Variants in ITIH5 observed in about 807,000 individuals in gnomAD.
ITIH5 encodes the protein inter-alpha-trypsin inhibitor heavy chain 5.
ITIH5 carries 65 observed loss-of-function variants against 77.5 expected under a neutral mutation model. That is an observed-to-expected ratio of 0.84 (90% CI 0.69 to 1.03). The LOEUF (loss-of-function observed/expected upper bound fraction) is 1.03. ITIH5 is among the 50% of genes least tolerant of loss of function. The probability of loss-of-function intolerance (pLI) is 0.00; values close to 1 mark genes in which losing one functional copy is unlikely to be tolerated. For synonymous variants in ITIH5, 525 were observed against 494.3 expected (o/e 1.06, Z -0.82); for missense variants, 1,208 against 1,213.1 (o/e 1.00, Z 0.06).
chr10:7,559,857 G>GTTT lies in ITIH5; in HGVS notation c.*3223_*3225dup, dbSNP rs746524069. 5.3e-5 allele frequency: 24 copies of GTTT among 452,680 alleles called. No individual in the cohort carries two copies. The highest frequency in any genetic ancestry group is 3.5e-4 in the African/African-American group (17 of 48,574). 28.0% of individuals were successfully genotyped at this position (452,680 alleles called of 1,614,324 possible). Reference sequence around the variant, plus strand: ...CTCTCCCATGTCTTTTTTTTGTTTTGTTTTGTTTTTTTTTGACGGAGTTTG... The same window carrying GTTT: ...CTCTCCCATGTCTTTTTTTTGTTTTGTTTTTTTGTTTTTTTTTGACGGAGTTTG... On this transcript the variant is annotated 3_prime_UTR_variant, in exon 14 of 14. Transcript: ENST00000397146.
At chr10:7,656,682 G>A (rs1039884259) in intron 1 of ITIH5, among the ~76,000 whole-genome samples, 1 of 151,876 alleles carries the variant, frequency 6.6e-6, no homozygotes, top group Admixed American at 6.6e-5. Flanking sequence ...TTCCTTTCTG[G>A]AAGGCAGTTT....
At chr10:7,624,871 A>ACACATATATC (rs1833547701) in intron 5 of ITIH5, among the ~76,000 whole-genome samples, 1 of 93,796 alleles carries the variant, frequency 1.1e-5, no homozygotes, top group African/African-American at 4.4e-5. Context: ...ATATGTATAT[A>ACACATATATC]TGTATGTATA....
At chr10:7,629,593 A>G (rs1427609351) in intron 5 of ITIH5, among the ~76,000 whole-genome samples, 1 of 129,764 alleles carries the variant, frequency 7.7e-6, no homozygotes, top group Non-Finnish European at 1.8e-5. Flanking sequence ...GCATGTGTCC[A>G]TGTTGTAGCG....
intron 2 of ITIH5, among the ~76,000 whole-genome samples, chr10:7,642,760 C>G (rs1354631840): frequency 6.6e-6 from 1 of 152,218 alleles, no homozygotes; most frequent in Non-Finnish European, 1.5e-5. Context: ...TAAAACTCTT[C>G]AGGGCTTTTT....
At chr10:7,575,438 G>A (rs1050047962) in intron 10 of ITIH5, among the ~76,000 whole-genome samples, 3 of 152,170 alleles carry the variant, frequency 2.0e-5, no homozygotes, top group African/African-American at 4.8e-5. Flanking sequence ...AGTAGGGTCC[G>A]ACCAAACTCA....
At chr10:7,565,274 C>T (rs1362899282) in intron 13 of ITIH5, among the ~76,000 whole-genome samples, 2 of 144,398 alleles carry the variant, frequency 1.4e-5, no homozygotes, top group Non-Finnish European at 3.0e-5. Context: ...ACAGACTGTA[C>T]ATATATACAC....
chr10:7,615,208 G>A (rs1175628490), intron 7 of ITIH5, among the ~76,000 whole-genome samples: 2 of 152,072 alleles, frequency 1.3e-5, no homozygotes, highest in African/African-American at 2.4e-5. Context: ...CTGAGATCAC[G>A]CCATTGCACT....
chr10:7,597,784 A>G (rs1832935945), intron 7 of ITIH5, among the ~76,000 whole-genome samples: 1 of 152,224 alleles, frequency 6.6e-6, no homozygotes, highest in Admixed American at 6.5e-5. Flanking sequence ...TAGTATTACA[A>G]GATTACAAAA....
chr10:7,576,106 C>G (rs1205701990), intron 10 of ITIH5, among the ~76,000 whole-genome samples: 1 of 152,152 alleles, frequency 6.6e-6, no homozygotes, highest in African/African-American at 2.4e-5. Context: ...CTCACTGCAG[C>G]CTCAAACTCC....
chr10:7,584,109 C>T (rs565066925), intron 8 of ITIH5, among the ~76,000 whole-genome samples: 1 of 152,196 alleles, frequency 6.6e-6, no homozygotes, highest in Admixed American at 6.5e-5. Context: ...GGATTCAAAC[C>T]CAGGCAGTCT....
chr10:7,623,364 A>T (rs532877022), intron 5 of ITIH5, among the ~76,000 whole-genome samples: 3 of 152,334 alleles, frequency 2.0e-5, no homozygotes, highest in South Asian at 2.1e-4. Context: ...CAATTTCTTA[A>T]ATATATGGAG....
At chr10:7,618,393 T>C (rs896011492) in intron 5 of ITIH5, 2 of 152,222 alleles carry the variant, frequency 1.3e-5, no homozygotes, top group Non-Finnish European at 2.9e-5. Context: ...CCTAGTGTGA[T>C]GACAGATTAA....
intron 11 of ITIH5, chr10:7,571,983 C>T (rs979293037): frequency 1.0e-6 from 1 of 1,004,710 alleles, no homozygotes; most frequent in Non-Finnish European, 1.2e-6. Flanking sequence ...CATACCACAC[C>T]ATTTCTACTC....
chr10:7,663,995 A>G (rs138208233), intron 1 of ITIH5, among the ~76,000 whole-genome samples: 5 of 152,220 alleles, frequency 3.3e-5, no homozygotes, highest in Non-Finnish European at 7.3e-5. Flanking sequence ...CTTTAAAGAC[A>G]CCATATAAAT....
chr10:7,654,819 T>C (rs1834154174), intron 2 of ITIH5, among the ~76,000 whole-genome samples: 1 of 152,180 alleles, frequency 6.6e-6, no homozygotes, highest in Non-Finnish European at 1.5e-5. Flanking sequence ...TTGACATGTT[T>C]AGGTACATAT....
intron 7 of ITIH5, among the ~76,000 whole-genome samples, chr10:7,596,102 C>T (rs899810086): frequency 3.9e-5 from 6 of 152,176 alleles, no homozygotes; most frequent in Non-Finnish European, 7.3e-5. Context: ...CTTGTTCTAG[C>T]GGATCTTTGG....
chr10:7,625,998 A>C (rs1336355422), intron 5 of ITIH5, among the ~76,000 whole-genome samples: 1 of 152,212 alleles, frequency 6.6e-6, no homozygotes, highest in Non-Finnish European at 1.5e-5. Context: ...GATGAAAATG[A>C]TGAAATGCAT....
intron 5 of ITIH5, chr10:7,622,614 A>C (rs971058731): frequency 6.6e-6 from 1 of 152,260 alleles, no homozygotes; most frequent in African/African-American, 2.4e-5. Flanking sequence ...GAAAAAAACA[A>C]TATTTTAAAA....
At chr10:7,624,784 TAAA>T (rs112757694) in intron 5 of ITIH5, among the ~76,000 whole-genome samples, 374 of 31,820 alleles carry the variant, frequency 0.012, 25 homozygotes, top group African/African-American at 0.032. Flanking sequence ...AGACTCTGCC[TAAA>T]AAAAAAAAAA....
Sources: gnomAD v4.1 joint callset for allele counts (sites outside exome capture counted in the v4.1 genomes callset) on GRCh38, gnomAD v4.1.1 for gene constraint, MANE v1.5 for transcripts, NCBI Gene and HGNC (gene_info 2026-07-23, HGNC 2026-07-21) for gene names.